The following CSMD1 variants were observed in gnomAD, a reference collection of about 807,000 sequenced individuals.
CSMD1 encodes the protein CUB and sushi domain-containing protein 1.
CSMD1 carries 213 observed loss-of-function variants against 417.5 expected under a neutral mutation model. That is an observed-to-expected ratio of 0.51 (90% CI 0.46 to 0.57). The LOEUF is 0.57. CSMD1 is among the 20% of genes least tolerant of loss of function. The probability of loss-of-function intolerance (pLI) is 0.00; values close to 1 mark genes in which losing one functional copy is unlikely to be tolerated. For missense variants in CSMD1, 6,923 were observed against 4,529.7 expected, an observed-to-expected ratio of 1.53 and a Z score of -15.17; for synonymous variants, 2,862 against 1,736.8, an observed-to-expected ratio of 1.65 and a Z score of -16.11.
At chr8:4,816,192 G>C (rs1009801514) in intron 1 of CSMD1, among the ~76,000 whole-genome samples, 5 of 135,846 alleles carry the variant, frequency 3.7e-5, no homozygotes, top group African/African-American at 1.3e-4. Flanking sequence ...CTTGTTATTT[G>C]CTTTTTTTTT....
At chr8:4,292,186 G>C (rs965363486) in intron 3 of CSMD1, among the ~76,000 whole-genome samples, 1 of 152,122 alleles carries the variant, frequency 6.6e-6, no homozygotes, top group Non-Finnish European at 1.5e-5. Context: ...AGAAGGGATG[G>C]ACTTATTTAT....
At chr8:3,213,844 G>GTA (rs1158584920) in intron 30 of CSMD1, among the ~76,000 whole-genome samples, 8 of 139,614 alleles carry the variant, frequency 5.7e-5, no homozygotes, top group African/African-American at 2.1e-4. Context: ...GTGTGTGTGT[G>GTA]TATATACATA....
intron 37 of CSMD1, among the ~76,000 whole-genome samples, chr8:3,170,798 G>A (rs1000978876): frequency 6.6e-6 from 1 of 152,170 alleles, no homozygotes; most frequent in African/African-American, 2.4e-5. Context: ...AACAAGATAT[G>A]GTCACAGAAT....
intron 48 of CSMD1, among the ~76,000 whole-genome samples, chr8:3,088,000 G>T (rs1450001118): frequency 6.6e-6 from 1 of 152,146 alleles, no homozygotes; most frequent in Non-Finnish European, 1.5e-5. Flanking sequence ...GAAACTTCTG[G>T]ACTGTACAAT....
At chr8:4,947,779 T>G (rs1025320003) in intron 1 of CSMD1, among the ~76,000 whole-genome samples, 2 of 152,118 alleles carry the variant, frequency 1.3e-5, no homozygotes, top group African/African-American at 4.8e-5. Context: ...GAATTTGCAT[T>G]TTTTCAAACA....
chr8:4,820,433 ATAG>A (rs1385711338), intron 1 of CSMD1, among the ~76,000 whole-genome samples: 1 of 152,188 alleles, frequency 6.6e-6, no homozygotes, highest in Non-Finnish European at 1.5e-5. Context: ...GCAAGATTAA[ATAG>A]TAGCCATTTC....
chr8:4,029,824 G>C (rs1378910848), intron 4 of CSMD1, among the ~76,000 whole-genome samples: 1 of 152,104 alleles, frequency 6.6e-6, no homozygotes, highest in Non-Finnish European at 1.5e-5. Flanking sequence ...TAAAATACAA[G>C]CTAGTTACTT....
chr8:4,274,603 A>G (rs772497481), intron 3 of CSMD1, among the ~76,000 whole-genome samples: 36 of 152,172 alleles, frequency 2.4e-4, no homozygotes, highest in Non-Finnish European at 4.9e-4. Context: ...TAATAGATTA[A>G]TCTATGAAAT....
intron 1 of CSMD1, among the ~76,000 whole-genome samples, chr8:4,833,288 G>A (rs1234000885): frequency 1.3e-5 from 2 of 152,184 alleles, no homozygotes; most frequent in Admixed American, 6.5e-5. Flanking sequence ...TTACAACCAT[G>A]GCAGAAGGGC....
intron 20 of CSMD1, 81 bp downstream of exon 20, chr8:3,366,951 C>A (rs1563316045): frequency 4.7e-6 from 5 of 1,071,136 alleles, no homozygotes; most frequent in Non-Finnish European, 7.0e-6. Flanking sequence ...TACACACACA[C>A]ACACACCCAC....
chr8:4,607,116 G>A (rs534004221), intron 2 of CSMD1, among the ~76,000 whole-genome samples: 1 of 151,766 alleles, frequency 6.6e-6, no homozygotes, highest in African/African-American at 2.4e-5. Context: ...ATTGTGTTTG[G>A]AGCACTTTTT....
At chr8:3,649,702 T>A (rs748625790) in intron 7 of CSMD1, among the ~76,000 whole-genome samples, 1 of 152,164 alleles carries the variant, frequency 6.6e-6, no homozygotes, top group African/African-American at 2.4e-5. Context: ...ATGAGGATTA[T>A]CGGGATTATA....
intron 10 of CSMD1, among the ~76,000 whole-genome samples, chr8:3,557,798 G>A (rs1799221007): frequency 1.3e-5 from 2 of 152,146 alleles, no homozygotes; most frequent in South Asian, 4.1e-4. Flanking sequence ...AGAGTCTTTG[G>A]TTGTTTCTAG....
chr8:3,900,080 G>A (rs886953014), intron 5 of CSMD1, among the ~76,000 whole-genome samples: 1 of 152,044 alleles, frequency 6.6e-6, no homozygotes, highest in Admixed American at 6.5e-5. Context: ...CTGGGTGACA[G>A]TGCAGCTGTG....
At chr8:3,946,206 T>G (rs1174229182) in intron 5 of CSMD1, among the ~76,000 whole-genome samples, 1 of 152,198 alleles carries the variant, frequency 6.6e-6, no homozygotes, top group Non-Finnish European at 1.5e-5. Context: ...TTAGCAACTG[T>G]TCTAAATGAC....
chr8:3,215,997 T>C (rs1247861491), intron 29 of CSMD1, among the ~76,000 whole-genome samples: 1 of 149,508 alleles, frequency 6.7e-6, no homozygotes, highest in Non-Finnish European at 1.5e-5. Context: ...ATGTATTATA[T>C]TTAATAAACT....
At chr8:4,743,818 T>C (rs1311123010) in intron 1 of CSMD1, among the ~76,000 whole-genome samples, 1 of 152,178 alleles carries the variant, frequency 6.6e-6, no homozygotes, top group Non-Finnish European at 1.5e-5. Context: ...TGAAAACCTC[T>C]TTATCGCAAA....
At chr8:3,430,549 G>A (rs1814149756) in intron 12 of CSMD1, among the ~76,000 whole-genome samples, 2 of 152,190 alleles carry the variant, frequency 1.3e-5, no homozygotes. Flanking sequence ...GCTTACAACT[G>A]TAATCTCAGC....
chr8:3,304,030 C>T (rs1355496960), intron 25 of CSMD1, among the ~76,000 whole-genome samples: 2 of 152,038 alleles, frequency 1.3e-5, no homozygotes, highest in African/African-American at 2.4e-5. Context: ...CTCTGGGCCT[C>T]AATGAAATCA....
Sources: gnomAD v4.1 joint callset for allele counts (sites outside exome capture counted in the v4.1 genomes callset) on GRCh38, gnomAD v4.1.1 for gene constraint, MANE v1.5 for transcripts, NCBI Gene and HGNC (gene_info 2026-07-23, HGNC 2026-07-21) for gene names.